CPO: variants seen among roughly 807,000 people sequenced by gnomAD.
CPO encodes carboxypeptidase O, also known as metallocarboxypeptidase C.
CPO carries 43 observed loss-of-function variants against 41.2 expected under a neutral mutation model. The observed-to-expected ratio is 1.04, with a 90% confidence interval of 0.82 to 1.35. The LOEUF is 1.35. Ranked by LOEUF, CPO falls within the 40% of genes most tolerant of loss-of-function variation. The probability of loss-of-function intolerance (pLI) is 0.00; values close to 1 mark genes in which losing one functional copy is unlikely to be tolerated. For synonymous variants in CPO, 178 were observed against 162.7 expected, an observed-to-expected ratio of 1.09 and a Z score of -0.72; for missense variants, 408 against 451.7, an observed-to-expected ratio of 0.90 and a Z score of 0.88.
At chr2:206,943,709 T>A (rs1377260803) in intron 1 of CPO, among the ~76,000 whole-genome samples, 5 of 73,486 alleles carry the variant, frequency 6.8e-5, no homozygotes, top group Admixed American at 5.8e-4. Context: ...GATAGATAGA[T>A]AGATAGATGA....
chr2:206,945,090 T>A (rs752545743), intron 1 of CPO, among the ~76,000 whole-genome samples: 2 of 152,200 alleles, frequency 1.3e-5, no homozygotes, highest in Non-Finnish European at 2.9e-5. Context: ...ACACAGATTA[T>A]CTTATTTAAT....
chr2:206,959,946 T>A (rs1034867544), intron 5 of CPO, among the ~76,000 whole-genome samples: 24 of 152,234 alleles, frequency 1.6e-4, no homozygotes, highest in Non-Finnish European at 2.2e-4. Context: ...AAGGCCTTTT[T>A]AGAGTTGAAG....
chr2:206,941,855 T>C (rs1481444994), intron 1 of CPO, among the ~76,000 whole-genome samples: 1 of 152,254 alleles, frequency 6.6e-6, no homozygotes, highest in Middle Eastern at 3.4e-3. Context: ...ATATGTTATA[T>C]ATTGCATACA....
At chr2:206,966,104 AAAG>A (rs1277191999) in intron 7 of CPO, among the ~76,000 whole-genome samples, 2 of 152,204 alleles carry the variant, frequency 1.3e-5, no homozygotes, top group Non-Finnish European at 1.5e-5. Context: ...TTTTATCAAC[AAAG>A]AAGGGTAAAC....
At chr2:206,954,168 A>G (rs564036581) in intron 2 of CPO, among the ~76,000 whole-genome samples, 1 of 152,302 alleles carries the variant, frequency 6.6e-6, no homozygotes, top group East Asian at 1.9e-4. Context: ...TTGACTCCTC[A>G]TTACTTATGC....
At chr2:206,941,306 G>A (rs1693026065) in intron 1 of CPO, among the ~76,000 whole-genome samples, 2 of 151,988 alleles carry the variant, frequency 1.3e-5, no homozygotes, top group Non-Finnish European at 2.9e-5. Flanking sequence ...AGAAAAATAA[G>A]TATAAAACTT....
intron 7 of CPO, among the ~76,000 whole-genome samples, chr2:206,966,241 GAA>G (rs11362053): frequency 1.4e-5 from 2 of 142,534 alleles, no homozygotes; most frequent in Non-Finnish European, 3.0e-5. Context: ...CTGCAGGAAA[GAA>G]AAAAAAAAAG....
chr2:206,941,708 G>A (rs547156459), intron 1 of CPO, among the ~76,000 whole-genome samples: 6 of 151,878 alleles, frequency 4.0e-5, no homozygotes, highest in African/African-American at 1.2e-4. Context: ...TGTAACTCTC[G>A]CCAACTCAAA....
At chr2:206,949,098 C>G (rs910101018) in intron 1 of CPO, among the ~76,000 whole-genome samples, 7 of 151,360 alleles carry the variant, frequency 4.6e-5, no homozygotes, top group Non-Finnish European at 1.0e-4. Flanking sequence ...GATTAGTTCT[C>G]ACCATTATAT....
At chr2:206,964,161 A>G (rs1693529516) in intron 7 of CPO, among the ~76,000 whole-genome samples, 1 of 152,208 alleles carries the variant, frequency 6.6e-6, no homozygotes, top group Non-Finnish European at 1.5e-5. Flanking sequence ...CACGACCCAG[A>G]AGACACAAGG....
chr2:206,961,951 T>A (rs559525160), intron 6 of CPO, among the ~76,000 whole-genome samples: 1 of 149,534 alleles, frequency 6.7e-6, no homozygotes, highest in African/African-American at 2.5e-5. Flanking sequence ...AAAAAAAAAA[T>A]TAGCCTCGCG....
intron 1 of CPO, among the ~76,000 whole-genome samples, chr2:206,945,986 G>A (rs961086231): frequency 6.7e-6 from 1 of 149,158 alleles, no homozygotes; most frequent in African/African-American, 2.4e-5. Context: ...TAAAAAAAAA[G>A]ATAGTTAATA....
intron 2 of CPO, among the ~76,000 whole-genome samples, chr2:206,952,035 T>C (rs1693274581): frequency 6.6e-6 from 1 of 152,230 alleles, no homozygotes; most frequent in African/African-American, 2.4e-5. Flanking sequence ...TATAATACAT[T>C]TTATCTATAC....
chr2:206,951,293 T>C (rs544468466), intron 2 of CPO, among the ~76,000 whole-genome samples: 1 of 152,234 alleles, frequency 6.6e-6, no homozygotes, highest in East Asian at 1.9e-4. Context: ...ATATTTGTAT[T>C]GCTATTAAGA....
At chr2:206,966,579 G>C (rs1043816761) in intron 7 of CPO, among the ~76,000 whole-genome samples, 12 of 151,970 alleles carry the variant, frequency 7.9e-5, no homozygotes, top group Admixed American at 7.9e-4. Context: ...CCGCCTCCCA[G>C]TGTAAATGAT....
chr2:206,958,758 T>TTTTA (rs1693422248), intron 4 of CPO, among the ~76,000 whole-genome samples: 1 of 115,802 alleles, frequency 8.6e-6, no homozygotes, highest in African/African-American at 3.2e-5. Context: ...TTTTTTTTTT[T>TTTTA]AAGACAGAGT....
intron 1 of CPO, among the ~76,000 whole-genome samples, 186 bp downstream of exon 1, chr2:206,939,853 G>A (rs889731589): frequency 3.3e-5 from 5 of 151,884 alleles, no homozygotes; most frequent in Non-Finnish European, 4.4e-5. Context: ...AATAATCCTT[G>A]AATAAATGAA....
intron 2 of CPO, among the ~76,000 whole-genome samples, chr2:206,951,752 T>C (rs1389937985): frequency 6.6e-6 from 1 of 152,228 alleles, no homozygotes; most frequent in Non-Finnish European, 1.5e-5. Context: ...AGCTTCCTCA[T>C]CTGTGAAACA....
At chr2:206,965,377 G>A (rs1693554115) in intron 7 of CPO, among the ~76,000 whole-genome samples, 2 of 151,986 alleles carry the variant, frequency 1.3e-5, no homozygotes, top group African/African-American at 2.4e-5. Flanking sequence ...TCCATTTCTA[G>A]TACTATTTAC....
Sources: gnomAD v4.1 joint callset for allele counts (sites outside exome capture counted in the v4.1 genomes callset) on GRCh38, gnomAD v4.1.1 for gene constraint, MANE v1.5 for transcripts, NCBI Gene and HGNC (gene_info 2026-07-23, HGNC 2026-07-21) for gene names.